PAPPA: variants seen among roughly 807,000 people sequenced by gnomAD.
PAPPA encodes the protein pappalysin-1.
Under a neutral mutation model 164.0 loss-of-function variants are expected in PAPPA, and 60 were observed. The ratio of observed to expected loss-of-function variants is 0.37; its 90% CI spans 0.30 to 0.45. The LOEUF (loss-of-function observed/expected upper bound fraction) is 0.45, where lower values mean the gene tolerates loss of function less well. PAPPA is among the 20% of genes least tolerant of loss of function. PAPPA has a pLI of 1.00. For synonymous variants in PAPPA, 875 were observed against 814.1 expected, an observed-to-expected ratio of 1.07 and a Z score of -1.27; for missense variants, 1,782 against 2,087.3, an observed-to-expected ratio of 0.85 and a Z score of 2.85.
At chr9:116,390,977 G>A (rs548190679) in intron 21 of PAPPA, among the ~76,000 whole-genome samples, 1 of 152,188 alleles carries the variant, frequency 6.6e-6, no homozygotes, top group East Asian at 1.9e-4. Context: ...CTTCTGTGTG[G>A]TAGGACTGTT....
In PAPPA at chr9:116,398,479, TA is replaced by T. The variant is rs373083822; in HGVS notation, c.*1880del. 0.095 allele frequency: 65,709 copies of T among 690,168 alleles called. 697 individuals carry two copies. Among genetic ancestry groups the T allele is most frequent in the African/African-American group, 0.2 (9,926 of 49,846 alleles). 42.8% of individuals were successfully genotyped at this position (690,168 alleles called of 1,614,324 possible). A position where few individuals can be genotyped will look rare whatever the true frequency, so the allele number is the denominator to read the frequency against. On this transcript the variant is annotated 3_prime_UTR_variant, in exon 22 of 22. Coordinates refer to ENST00000328252, the MANE Select transcript of PAPPA (RefSeq NM_002581.5). ...GGTGTTGTTAATCTATCATAGCACT[TA>T]AAAAAAAAAAAAAAAAGAGACCAAA... is the stretch of plus-strand genomic sequence containing the variant.
intron 20 of PAPPA, among the ~76,000 whole-genome samples, chr9:116,379,159 G>A (rs1846694115): frequency 6.6e-6 from 1 of 152,202 alleles, no homozygotes; most frequent in African/African-American, 2.4e-5. Flanking sequence ...ACCCTCACCT[G>A]TCAGACTCTG....
At chr9:116,243,264 G>A (rs757613877) in intron 7 of PAPPA, among the ~76,000 whole-genome samples, 2 of 152,162 alleles carry the variant, frequency 1.3e-5, no homozygotes, top group South Asian at 2.1e-4. Context: ...AAACCAGCCC[G>A]GTTTCTGCTC....
At chr9:116,349,203 A>G (rs549642647) in intron 15 of PAPPA, among the ~76,000 whole-genome samples, 3 of 151,140 alleles carry the variant, frequency 2.0e-5, no homozygotes, top group Admixed American at 2.0e-4. Flanking sequence ...TCCTTATTCC[A>G]GTCCAGCTAG....
chr9:116,305,134 G>GACACACACAC (rs57723920), intron 10 of PAPPA, among the ~76,000 whole-genome samples: 3,809 of 129,874 alleles, frequency 0.029, 251 homozygotes, highest in African/African-American at 0.1. Context: ...TGGGCACACA[G>GACACACACAC]ACACACACAC....
intron 10 of PAPPA, among the ~76,000 whole-genome samples, chr9:116,311,591 C>T (rs901470330): frequency 6.6e-6 from 1 of 152,160 alleles, no homozygotes; most frequent in African/African-American, 2.4e-5. Context: ...CCAGAAAGAC[C>T]TGACTTGGGT....
intron 21 of PAPPA, among the ~76,000 whole-genome samples, chr9:116,389,128 CCT>C (rs1846855706): frequency 1.4e-5 from 2 of 144,164 alleles, no homozygotes; most frequent in Non-Finnish European, 3.0e-5. Flanking sequence ...CCAGAATAAT[CCT>C]TTTTTTTTTT....
intron 13 of PAPPA, among the ~76,000 whole-genome samples, chr9:116,336,691 G>C (rs1846066497): frequency 1.3e-5 from 2 of 152,190 alleles, no homozygotes; most frequent in Non-Finnish European, 2.9e-5. Context: ...GTATTTGTTA[G>C]TTCTTTGGTT....
At chr9:116,277,460 C>T (rs942514514) in intron 9 of PAPPA, among the ~76,000 whole-genome samples, 3 of 151,942 alleles carry the variant, frequency 2.0e-5, no homozygotes, top group Non-Finnish European at 2.9e-5. Flanking sequence ...GTTAAGAACA[C>T]GGATTCTGGG....
In PAPPA at chr9:116,227,376, G is replaced by T. The variant is rs149927774; in HGVS notation, c.2112-55G>T. On this transcript the variant is annotated intron_variant, in intron 5 of 21. Coordinates refer to ENST00000328252, the MANE Select transcript of PAPPA (RefSeq NM_002581.5). ...TGACTCTGGCCTAGTCCCATCAGTT[G>T]CTCATTCAACTGTTCCTAAGTCGGT... The T allele has an allele frequency of 1.3e-5, 21 of 1,602,298 alleles. No individual in the cohort carries two copies. The East Asian group carries it at 4.5e-4, about 34-fold the overall frequency.
At chr9:116,386,653 CAGA>C (rs1846816494) in intron 21 of PAPPA, among the ~76,000 whole-genome samples, 2 of 152,184 alleles carry the variant, frequency 1.3e-5, no homozygotes, top group Non-Finnish European at 2.9e-5. Context: ...TGCTGAGTTT[CAGA>C]AGAAGAAAGC....
Position 116,235,413 on chromosome 9 carries a change from T to G in PAPPA, c.2508T>G (p.Asp836Glu). The stretch of plus-strand genomic sequence containing the variant: ...TGGGTCCTCAGAATGTCTTCTGTGA[T>G]GTCCCACTGACCATCAGACTCTGGG... Reference protein sequence around the residue: ...ISLGPQNVFCDVPLTIRLWDV... With the variant: ...ISLGPQNVFCEVPLTIRLWDV... The change falls in exon 7 of 22, where the codon GAT becomes GAG. Residue 836 changes from aspartate to glutamate, a missense_variant. Transcript: ENST00000328252. The G allele has an allele frequency of 1.9e-6, 3 of 1,613,932 alleles. No homozygotes were observed. The highest frequency in any genetic ancestry group is 2.2e-5 in the South Asian group (2 of 91,046).
At chr9:116,179,078 A>T (rs1317537580) in intron 1 of PAPPA, among the ~76,000 whole-genome samples, 1 of 152,232 alleles carries the variant, frequency 6.6e-6, no homozygotes, top group African/African-American at 2.4e-5. Context: ...ACAAGGAAAT[A>T]TGCATACATT....
At position 116,154,541 on chromosome 9, in the gene PAPPA, G is replaced by A. The variant is rs1311704184; in HGVS notation, c.369G>A (p.Val123=). ...ELPRDAFTLQ[V]WLRAEGGQRS... ...CCCGGGACGCGTTCACGCTGCAAGTGTGGCTGCGAGCGGAGGGGGGCCAGA... is the reference window on the plus strand; with the variant it reads ...CCCGGGACGCGTTCACGCTGCAAGTATGGCTGCGAGCGGAGGGGGGCCAGA... Residue 123 remains valine (V), a synonymous_variant, in exon 1 of 22, where the codon GTG becomes GTA. Transcript: ENST00000328252. This position sits in a 1 kb window ranked among gnomAD's most constrained non-coding sequence, Gnocchi z 5.2. 7.1e-7 allele frequency: 1 copy of A among 1,404,638 alleles called. No individual in the cohort carries two copies. The highest frequency in any genetic ancestry group is 9.3e-7 in the Non-Finnish European group (1 of 1,077,666). 87.0% of individuals were successfully genotyped at this position (1,404,638 alleles called of 1,614,324 possible).
At chr9:116,267,783 A>G (rs1044358725) in intron 8 of PAPPA, among the ~76,000 whole-genome samples, 5 of 150,468 alleles carry the variant, frequency 3.3e-5, no homozygotes, top group Non-Finnish European at 7.4e-5. Context: ...GCTGAGGCAG[A>G]AGAATGGCGT....
At chr9:116,310,111 G>C (rs1482292431) in intron 10 of PAPPA, among the ~76,000 whole-genome samples, 1 of 152,206 alleles carries the variant, frequency 6.6e-6, no homozygotes, top group Non-Finnish European at 1.5e-5. Flanking sequence ...TAATTAGAGT[G>C]TGCTATTTGC....
chr9:116,174,250 C>A (rs1348068296), intron 1 of PAPPA, among the ~76,000 whole-genome samples: 1 of 152,162 alleles, frequency 6.6e-6, no homozygotes, highest in East Asian at 1.9e-4. Context: ...ACCAGCCCTG[C>A]AAAGTGGAGA....
chr9:116,320,656 G>A (rs966630200), intron 10 of PAPPA, among the ~76,000 whole-genome samples: 4 of 151,990 alleles, frequency 2.6e-5, no homozygotes, highest in African/African-American at 4.8e-5. Flanking sequence ...AGTGATAATT[G>A]TTTCTAATGG....
At chr9:116,297,552 TC>T in intron 9 of PAPPA, among the ~76,000 whole-genome samples, 2 of 152,376 alleles carry the variant, frequency 1.3e-5, no homozygotes, top group East Asian at 3.9e-4. Flanking sequence ...TCCCAAAGTT[TC>T]TAATTCAGCT....
Sources: gnomAD v4.1 joint callset for allele counts (sites outside exome capture counted in the v4.1 genomes callset) on GRCh38, gnomAD v4.1.1 for gene constraint, Gnocchi (gnomAD v3.1) non-coding constraint, MANE v1.5 for transcripts, NCBI Gene and HGNC (gene_info 2026-07-23, HGNC 2026-07-21) for gene names.